Variants in HNRNPLL observed in about 807,000 individuals in gnomAD.
HNRNPLL encodes heterogeneous nuclear ribonucleoprotein L-like.
In HNRNPLL, 25 loss-of-function variants were observed where a neutral mutation model predicts 67.1. The observed-to-expected ratio is 0.37, with a 90% CI of 0.27 to 0.52. HNRNPLL has a LOEUF of 0.52. HNRNPLL is among the 20% of genes least tolerant of loss of function. The pLI is 0.90. For missense variants in HNRNPLL, 542 were observed against 673.9 expected (o/e 0.80, Z 2.17); for synonymous variants, 267 against 241.7 (o/e 1.10, Z -0.97).
chr2:38,580,408 G>C (rs940131741), intron 6 of HNRNPLL, among the ~76,000 whole-genome samples: 1 of 152,216 alleles, frequency 6.6e-6, no homozygotes, highest in East Asian at 1.9e-4. Context: ...TGGGAATTGA[G>C]AGTTAAAGGA....
chr2:38,586,421 T>A (rs1040210560), intron 2 of HNRNPLL, among the ~76,000 whole-genome samples: 1 of 152,286 alleles, frequency 6.6e-6, no homozygotes, highest in East Asian at 1.9e-4. Flanking sequence ...CAAAAACAAT[T>A]ATCTGTTATT....
At chr2:38,597,060 T>A (rs945822254) in intron 1 of HNRNPLL, among the ~76,000 whole-genome samples, 1 of 152,176 alleles carries the variant, frequency 6.6e-6, no homozygotes, top group Admixed American at 6.5e-5. Flanking sequence ...CACAACTCCC[T>A]CTTCACAGCA....
intron 4 of HNRNPLL, among the ~76,000 whole-genome samples, chr2:38,582,888 A>AT (rs1558538177): frequency 6.6e-6 from 1 of 152,024 alleles, no homozygotes; most frequent in Admixed American, 6.6e-5. Flanking sequence ...AAAAAAAAAA[A>AT]AATCAAGGGT....
At chr2:38,591,901 G>A (rs1353572976) in intron 1 of HNRNPLL, among the ~76,000 whole-genome samples, 3 of 152,078 alleles carry the variant, frequency 2.0e-5, no homozygotes, top group South Asian at 4.2e-4. Flanking sequence ...GCTTGAATCC[G>A]GGAGGTGGAG....
intron 3 of HNRNPLL, 68 bp from the exon 4 acceptor site, chr2:38,583,994 T>C: frequency 1.6e-6 from 1 of 626,166 alleles, no homozygotes; most frequent in Non-Finnish European, 2.7e-6. Flanking sequence ...TATACTTCGT[T>C]TTGTTTTACC....
intron 1 of HNRNPLL, among the ~76,000 whole-genome samples, chr2:38,594,450 TTAGGGGAAAATAGTA>T (rs1248192570): frequency 2.6e-5 from 4 of 152,062 alleles, no homozygotes; most frequent in Non-Finnish European, 5.9e-5. Context: ...TTCAAATAGT[TTAGGGGAAAATAGTA>T]TAGGGGAAAA....
At chr2:38,595,874 C>G (rs765016863) in intron 1 of HNRNPLL, among the ~76,000 whole-genome samples, 66 of 152,124 alleles carry the variant, frequency 4.3e-4, no homozygotes, top group South Asian at 1.5e-3. Flanking sequence ...GTTAAATATA[C>G]TCAGTATGGT....
chr2:38,565,364 A>T (rs1665816253), intron 12 of HNRNPLL, among the ~76,000 whole-genome samples: 1 of 152,182 alleles, frequency 6.6e-6, no homozygotes, highest in African/African-American at 2.4e-5. Context: ...TCAAAAATTA[A>T]GCCTGACTAC....
In HNRNPLL at chr2:38,563,973, C is replaced by G. The variant is rs2148329715; in HGVS notation, c.*209G>C. On this transcript the variant is annotated 3_prime_UTR_variant, in exon 13 of 13. Transcript: ENST00000449105. ...AATCTACAATGAAGCTGTAGATAGTCTACATTATGATATTCTATCTTAAAA... is the reference window on the plus strand; with the variant it reads ...AATCTACAATGAAGCTGTAGATAGTGTACATTATGATATTCTATCTTAAAA... 7.9e-6 allele frequency: 4 copies of G among 506,090 alleles called. No homozygotes were observed. In the South Asian group the frequency reaches 7.9e-5, roughly 10 times the overall value. The allele number at this position is 506,090 out of a possible 1,614,324, so 31.3% of individuals were successfully genotyped here.
rs1308922882 is a variant in HNRNPLL, at chr2:38,562,719, AATTT to A, written c.*1459_*1462del. The A allele has an allele frequency of 2.0e-5, 3 of 152,076 alleles. No individual in the cohort carries two copies. Among genetic ancestry groups the A allele is most frequent in the Non-Finnish European group, 4.4e-5 (3 of 67,948 alleles). The allele number at this position is 152,076 out of a possible 1,614,324, so 9.4% of individuals were successfully genotyped here. A position where few individuals can be genotyped will look rare whatever the true frequency, so the allele number is the denominator to read the frequency against. The stretch of plus-strand genomic sequence containing the variant: ...AAGGGTCTAAAATACTTCTAGATTA[AATTT>A]AATTTTTTCTTTATCTTTAGAGGGC... On this transcript the variant is annotated 3_prime_UTR_variant, in exon 13 of 13. Transcript: ENST00000449105.
chr2:38,577,864 T>A (rs1185686046), intron 6 of HNRNPLL: 1 of 475,080 alleles, frequency 2.1e-6, no homozygotes, highest in African/African-American at 2.0e-5. Context: ...CAGAAGTTTT[T>A]ACCAATACAT....
In HNRNPLL at chr2:38,573,268, A is replaced by G; in HGVS notation, c.1034T>C (p.Leu345Pro). The change falls in exon 8 of 13, where the codon CTA (leucine) becomes CCA (proline). Residue 345 changes from leucine to proline, a missense_variant. Physicochemically the swap from Leu to Pro is moderately conservative, Grantham distance 98. This residue lies in a region of HNRNPLL where 415 missense variants were observed against 575.2 expected (regional missense o/e 0.72). Transcript: ENST00000449105. The part of the protein sequence containing the change: ...SVVMVSGLHQ[L>P]KMNCSRVFNL... ...GAAGACTCTTGAACAATTCATTTTT[A>G]GTTGATGTAATCCACTAACCATTAC... is the stretch of plus-strand genomic sequence containing the variant. The G allele has an allele frequency of 1.2e-6, 2 of 1,610,862 alleles. No individual in the cohort carries two copies. Among genetic ancestry groups the G allele is most frequent in the Non-Finnish European group, 1.7e-6 (2 of 1,178,718 alleles).
rs916867425 is a variant in HNRNPLL, at chr2:38,569,344, G to A, written c.1215-10C>T. 3 of 1,577,654 alleles carry A rather than the reference G, an allele frequency of 1.9e-6. No individual in the cohort carries two copies. The highest frequency in any genetic ancestry group is 2.6e-6 in the Non-Finnish European group (3 of 1,149,360). ...ATGTTGTTTAGACACGCTAAAGATTGTAAAGAAAAGACATACAAAAGTACT... is the reference window on the plus strand; with the variant it reads ...ATGTTGTTTAGACACGCTAAAGATTATAAAGAAAAGACATACAAAAGTACT... On this transcript the variant is annotated splice_polypyrimidine_tract_variant and intron_variant, in intron 9 of 12. Transcript: ENST00000449105.
At chr2:38,601,482 A>G (rs542361000) in intron 1 of HNRNPLL, 8 of 152,356 alleles carry the variant, frequency 5.3e-5, no homozygotes, top group Admixed American at 1.3e-4. Context: ...AATAACATCT[A>G]AGTCATTAAA....
chr2:38,567,861 T>C (rs764961806), intron 12 of HNRNPLL, among the ~76,000 whole-genome samples: 1 of 152,168 alleles, frequency 6.6e-6, no homozygotes, highest in Non-Finnish European at 1.5e-5. Context: ...ATCTTCTGGC[T>C]TCAGTCAAGC....
At chr2:38,587,629 A>G (rs976439472) in intron 2 of HNRNPLL, among the ~76,000 whole-genome samples, 1 of 151,538 alleles carries the variant, frequency 6.6e-6, no homozygotes, top group African/African-American at 2.4e-5. Context: ...GGTCTATGCT[A>G]AAGAAATTCA....
intron 1 of HNRNPLL, 31 bp from the exon 2 acceptor site, chr2:38,591,679 A>G (rs767981339): frequency 1.3e-6 from 2 of 1,496,924 alleles, no homozygotes; most frequent in Middle Eastern, 3.4e-4. Context: ...CTAGTTAAAA[A>G]AATTTTAAGT....
At chr2:38,587,223 A>G (rs1006680761) in intron 2 of HNRNPLL, among the ~76,000 whole-genome samples, 6 of 152,178 alleles carry the variant, frequency 3.9e-5, no homozygotes, top group Admixed American at 2.6e-4. Flanking sequence ...CAGCCTGGCA[A>G]ATTATTATTA....
At chr2:38,597,473 G>A (rs1000426814) in intron 1 of HNRNPLL, among the ~76,000 whole-genome samples, 6 of 152,206 alleles carry the variant, frequency 3.9e-5, no homozygotes, top group African/African-American at 7.2e-5. Context: ...AAGTTTTAAC[G>A]GGCAGCTGTA....
Sources: gnomAD v4.1 joint callset for allele counts (sites outside exome capture counted in the v4.1 genomes callset) on GRCh38, gnomAD v4.1.1 for gene constraint, gnomAD v4.1.1 regional missense constraint, MANE v1.5 for transcripts, NCBI Gene and HGNC (gene_info 2026-07-23, HGNC 2026-07-21) for gene names.